ITPR1: variants seen among roughly 807,000 people sequenced by gnomAD.
ITPR1 encodes inositol 1,4,5-trisphosphate receptor type 1, also known as inositol 1,4,5-trisphosphate-gated calcium channel ITPR1.
A neutral mutation model predicts 318.4 loss-of-function variants in ITPR1; 96 were observed. The ratio of observed to expected loss-of-function variants is 0.30; its 90% CI spans 0.26 to 0.36. The LOEUF (loss-of-function observed/expected upper bound fraction) is 0.36, where lower values mean the gene tolerates loss of function less well. ITPR1 is among the 10% of genes least tolerant of loss of function. ITPR1 has a pLI of 1.00. For synonymous variants in ITPR1, 1,312 were observed against 1,289.9 expected (o/e 1.02, Z -0.37); for missense variants, 2,440 against 3,460.2 (o/e 0.71, Z 7.40).
chr3:4,516,437 C>G, intron 2 of ITPR1, 39 bp from the exon 3 acceptor site: 2 of 1,123,454 alleles, frequency 1.8e-6, no homozygotes, highest in East Asian at 2.7e-5. Context: ...CTGAACATTT[C>G]TTTTCTTCTA....
intron 4 of ITPR1, among the ~76,000 whole-genome samples, chr3:4,624,008 A>G (rs1290238773): frequency 6.6e-6 from 1 of 152,166 alleles, no homozygotes; most frequent in African/African-American, 2.4e-5. Context: ...TGAGCTTGTG[A>G]TGTAGCCCCT....
chr3:4,689,127 T>C (rs2094442083), intron 31 of ITPR1, among the ~76,000 whole-genome samples: 1 of 152,258 alleles, frequency 6.6e-6, no homozygotes, highest in South Asian at 2.1e-4. Context: ...CTTTTTTCAC[T>C]TAACACATTA....
chr3:4,797,072 T>C (rs2047947174), intron 53 of ITPR1, among the ~76,000 whole-genome samples: 1 of 152,026 alleles, frequency 6.6e-6, no homozygotes, highest in Non-Finnish European at 1.5e-5. Context: ...ATGCATGGTT[T>C]GGAATCATGG....
chr3:4,674,539 T>C (rs927335627), intron 22 of ITPR1, among the ~76,000 whole-genome samples, 196 bp downstream of exon 22: 4 of 152,210 alleles, frequency 2.6e-5, no homozygotes, highest in African/African-American at 9.6e-5. Flanking sequence ...ATAGTAGTTA[T>C]GGGCTTAAAA....
intron 4 of ITPR1, among the ~76,000 whole-genome samples, chr3:4,611,598 T>TA: frequency 1.0e-5 from 1 of 95,462 alleles, no homozygotes; most frequent in South Asian, 4.7e-4. Context: ...ATAAATAAAT[T>TA]AGCAGGTGTC....
intron 4 of ITPR1, among the ~76,000 whole-genome samples, chr3:4,566,604 G>GCGCACACACA (rs111805736): frequency 2.8e-5 from 4 of 140,898 alleles, no homozygotes; most frequent in African/African-American, 8.1e-5. Context: ...GGGGACACAT[G>GCGCACACACA]CACACACACA....
At chr3:4,517,770 G>C (rs1361356865) in intron 3 of ITPR1, among the ~76,000 whole-genome samples, 3 of 152,132 alleles carry the variant, frequency 2.0e-5, no homozygotes, top group Admixed American at 2.0e-4. Context: ...CTTCTGCCCT[G>C]CCTCTGACTC....
chr3:4,600,752 C>T lies in ITPR1; in HGVS notation c.164-27011C>T, dbSNP rs1019134011. On this transcript the variant is annotated intron_variant, in intron 4 of 61. Coordinates refer to ENST00000649015, the MANE Select transcript of ITPR1 (RefSeq NM_001378452.1). ...GGAGGTCAGGATTGGGTCACATGAG[C>T]TAATTTCCTGTCGCTCTAAAATTGA... Among the ~76,000 whole-genome samples the T allele has an allele frequency of 5.3e-5, 8 of 152,180 alleles. No homozygotes were observed. The East Asian group carries it at 1.5e-3, about 29-fold the overall frequency.
At chr3:4,602,455 G>C (rs902065130) in intron 4 of ITPR1, among the ~76,000 whole-genome samples, 2 of 149,656 alleles carry the variant, frequency 1.3e-5, no homozygotes, top group African/African-American at 4.9e-5. Flanking sequence ...CCGGGCCTAG[G>C]AGGTCAAGGC....
chr3:4,514,318 C>T (rs1026832853), intron 2 of ITPR1, among the ~76,000 whole-genome samples: 3 of 152,164 alleles, frequency 2.0e-5, no homozygotes, highest in African/African-American at 7.2e-5. Flanking sequence ...TGATAAATGC[C>T]AGCTATTATT....
At chr3:4,822,336 A>T (rs1216999496) in intron 60 of ITPR1, among the ~76,000 whole-genome samples, 1 of 152,138 alleles carries the variant, frequency 6.6e-6, no homozygotes, top group Non-Finnish European at 1.5e-5. Flanking sequence ...TCTGCAAGAC[A>T]CCTTGGCTGT....
chr3:4,583,458 G>T (rs1251200162), intron 4 of ITPR1, among the ~76,000 whole-genome samples: 1 of 152,152 alleles, frequency 6.6e-6, no homozygotes, highest in African/African-American at 2.4e-5. Flanking sequence ...TGTTGCAGGG[G>T]CTGGGATGAG....
chr3:4,615,237 G>A (rs1328602210), intron 4 of ITPR1, among the ~76,000 whole-genome samples: 1 of 152,212 alleles, frequency 6.6e-6, no homozygotes, highest in Non-Finnish European at 1.5e-5. Flanking sequence ...CTCTCCAGGT[G>A]CAGAAGTCAG....
intron 10 of ITPR1, among the ~76,000 whole-genome samples, chr3:4,647,522 G>C (rs1302940378): frequency 6.6e-6 from 1 of 152,182 alleles, no homozygotes; most frequent in South Asian, 2.1e-4. Flanking sequence ...TTGCTAAACT[G>C]TTCTCCAAAG....
chr3:4,654,565 C>T (rs1001073225), intron 12 of ITPR1, among the ~76,000 whole-genome samples: 2 of 152,142 alleles, frequency 1.3e-5, no homozygotes, highest in African/African-American at 4.8e-5. Flanking sequence ...ATAAGTAAGA[C>T]AGTTTTCTTG....
chr3:4,635,278 G>A (rs972212878), intron 5 of ITPR1, among the ~76,000 whole-genome samples: 1 of 152,170 alleles, frequency 6.6e-6, no homozygotes, highest in African/African-American at 2.4e-5. Context: ...AAAGTTTTTT[G>A]GTCAATATTG....
chr3:4,711,532 T>G, intron 38 of ITPR1: 1 of 525,926 alleles, frequency 1.9e-6, no homozygotes, highest in Non-Finnish European at 3.4e-6. Flanking sequence ...GGCTGACTCC[T>G]GCCCAGTGAG....
At chr3:4,696,521 A>G (rs2094560206) in intron 33 of ITPR1, among the ~76,000 whole-genome samples, 1 of 152,126 alleles carries the variant, frequency 6.6e-6, no homozygotes, top group East Asian at 1.9e-4. Context: ...GTTGATGGTG[A>G]TTTGGATTGT....
At chr3:4,829,091 G>T (rs921834397) in intron 60 of ITPR1, among the ~76,000 whole-genome samples, 2 of 152,148 alleles carry the variant, frequency 1.3e-5, no homozygotes, top group African/African-American at 4.8e-5. Flanking sequence ...TCCAGTTTGT[G>T]GGACATTTTT....
Sources: allele counts gnomAD v4.1 joint callset (sites outside exome capture counted in the v4.1 genomes callset), GRCh38; gene constraint gnomAD v4.1.1; transcripts MANE v1.5; gene names NCBI Gene and HGNC (gene_info 2026-07-23, HGNC 2026-07-21).